LY86: variants seen among roughly 807,000 people sequenced by gnomAD.
LY86 encodes the protein lymphocyte antigen 86, also known as MD-1, RP105-associated.
A neutral mutation model predicts 17.3 loss-of-function variants in LY86; 20 were observed. That is an observed-to-expected ratio of 1.15 (90% CI 0.81 to 1.68). The LOEUF (loss-of-function observed/expected upper bound fraction) is 1.68, where lower values mean the gene tolerates loss of function less well. Ranked by LOEUF, LY86 falls within the 40% of genes most tolerant of loss-of-function variation. The pLI is 0.00. For missense variants in LY86, 200 were observed against 191.9 expected (o/e 1.04, Z -0.25); for synonymous variants, 74 against 70.6 (o/e 1.05, Z -0.24).
chr6:6,603,150 C>T (rs898802115), intron 1 of LY86, among the ~76,000 whole-genome samples: 2 of 152,072 alleles, frequency 1.3e-5, no homozygotes, highest in Non-Finnish European at 2.9e-5. Context: ...AGGCACTTGT[C>T]CCATTCATGA....
intron 3 of LY86, 59 bp downstream of exon 3, chr6:6,626,480 T>A: frequency 6.3e-7 from 1 of 1,597,132 alleles, no homozygotes; most frequent in South Asian, 1.1e-5. Flanking sequence ...AACTCGAACT[T>A]GCATCTGAGG....
chr6:6,638,088 G>C (rs1761985794), intron 3 of LY86, among the ~76,000 whole-genome samples: 1 of 152,208 alleles, frequency 6.6e-6, no homozygotes, highest in Non-Finnish European at 1.5e-5. Context: ...CGCTTCCTCA[G>C]CAACGACTAA....
At chr6:6,613,271 C>T (rs955609564) in intron 1 of LY86, among the ~76,000 whole-genome samples, 1 of 152,266 alleles carries the variant, frequency 6.6e-6, no homozygotes, top group East Asian at 1.9e-4. Flanking sequence ...CCGCGCCGTG[C>T]GCCCGCACTC....
At chr6:6,627,017 C>T (rs1054153455) in intron 3 of LY86, among the ~76,000 whole-genome samples, 1 of 151,856 alleles carries the variant, frequency 6.6e-6, no homozygotes, top group Non-Finnish European at 1.5e-5. Context: ...CCTTCCCCCA[C>T]CTGTCCCCAC....
At chr6:6,618,772 AACT>A (rs1393988482) in intron 1 of LY86, among the ~76,000 whole-genome samples, 14 of 152,318 alleles carry the variant, frequency 9.2e-5, no homozygotes, top group African/African-American at 3.4e-4. Flanking sequence ...ATGGGAGTGG[AACT>A]ACTATTATTT....
intron 3 of LY86, among the ~76,000 whole-genome samples, chr6:6,640,176 A>C (rs1163354187): frequency 6.6e-6 from 1 of 152,182 alleles, no homozygotes; most frequent in Non-Finnish European, 1.5e-5. Flanking sequence ...TGCTGTGCCC[A>C]TTCTTGGCAA....
Position 6,626,432 on chromosome 6 carries a change from T to C in LY86, c.352+11T>C, listed in dbSNP as rs1761789940. 1.2e-6 allele frequency: 2 copies of C among 1,613,312 alleles called. No homozygotes were observed. Among genetic ancestry groups the C allele is most frequent in the East Asian group, 2.2e-5 (1 of 44,880 alleles). Reference sequence around the variant, plus strand: ...GAAGAAGGAAAGGAGGTAAGCCATCTGTCTTGCTCACTGCTGGCAGGGGCC... The same window carrying C: ...GAAGAAGGAAAGGAGGTAAGCCATCCGTCTTGCTCACTGCTGGCAGGGGCC... On this transcript the variant is annotated intron_variant, in intron 3 of 4. Transcript: ENST00000230568.
Position 6,626,332 on chromosome 6 carries a change from T to C in LY86, c.263T>C (p.Met88Thr). ...GAGCTTTTTCTTGACCTAGCTCTCA[T>C]GTCTCAAGGCTCATCTGTTTTGAAT... Reference protein sequence around the residue: ...IKELFLDLALMSQGSSVLNFS... With the variant: ...IKELFLDLALTSQGSSVLNFS... Residue 88 changes from methionine (M) to threonine (T), a missense_variant, in exon 3 of 5, where the codon ATG becomes ACG. Coordinates refer to ENST00000230568, the MANE Select transcript of LY86 (RefSeq NM_004271.4). The C allele has an allele frequency of 3.1e-6, 5 of 1,614,092 alleles. No homozygotes were observed. Among genetic ancestry groups the C allele is most frequent in the Non-Finnish European group, 4.2e-6 (5 of 1,179,990 alleles).
chr6:6,621,823 T>G (rs1761685737), intron 1 of LY86, among the ~76,000 whole-genome samples: 1 of 152,202 alleles, frequency 6.6e-6, no homozygotes, highest in African/African-American at 2.4e-5. Context: ...GCCCTGGCAC[T>G]GGGGAGTTAG....
intron 3 of LY86, among the ~76,000 whole-genome samples, chr6:6,631,265 C>G (rs1383233240): frequency 6.6e-6 from 1 of 152,156 alleles, no homozygotes; most frequent in Non-Finnish European, 1.5e-5. Flanking sequence ...TTCCTACATA[C>G]ACCCTCATCT....
chr6:6,598,505 C>T (rs1760788581), intron 1 of LY86, among the ~76,000 whole-genome samples: 1 of 152,224 alleles, frequency 6.6e-6, no homozygotes, highest in South Asian at 2.1e-4. Context: ...CAGGTTTTGA[C>T]TTACCAACCA....
intron 1 of LY86, among the ~76,000 whole-genome samples, chr6:6,594,340 G>T (rs1482122295): frequency 6.6e-6 from 1 of 152,108 alleles, no homozygotes; most frequent in East Asian, 1.9e-4. Context: ...GAATTCAAAA[G>T]AAGAAGAATA....
chr6:6,646,585 T>C (rs1344003067), intron 3 of LY86, among the ~76,000 whole-genome samples: 1 of 152,220 alleles, frequency 6.6e-6, no homozygotes, highest in Non-Finnish European at 1.5e-5. Flanking sequence ...CCAAGCCCTC[T>C]GCCATGTGGC....
intron 4 of LY86, 42 bp downstream of exon 4, chr6:6,649,719 T>TGAA (rs768280249): frequency 6.6e-5 from 76 of 1,157,860 alleles, no homozygotes; most frequent in Non-Finnish European, 8.3e-5. Context: ...GTTTGTTTCT[T>TGAA]GAAGAAGAAG....
At chr6:6,646,360 G>A (rs1277889310) in intron 3 of LY86, among the ~76,000 whole-genome samples, 1 of 152,120 alleles carries the variant, frequency 6.6e-6, no homozygotes, top group African/African-American at 2.4e-5. Context: ...GGATCACAGG[G>A]GAGGCAGTAA....
chr6:6,605,726 T>C (rs1761102076), intron 1 of LY86, among the ~76,000 whole-genome samples: 1 of 152,254 alleles, frequency 6.6e-6, no homozygotes, highest in Non-Finnish European at 1.5e-5. Context: ...CGGTGAGTGT[T>C]ACAGTTCTTA....
chr6:6,649,976 G>A (rs111487677), intron 4 of LY86, among the ~76,000 whole-genome samples: 37 of 152,304 alleles, frequency 2.4e-4, no homozygotes, highest in African/African-American at 5.3e-4. Flanking sequence ...GGATGCCGGC[G>A]TCTTGTCCAG....
At position 6,630,753 on chromosome 6, in the gene LY86, T is replaced by C. The variant is rs192689007; in HGVS notation, c.352+4332T>C. On this transcript the variant is annotated intron_variant, in intron 3 of 4. Transcript: ENST00000230568. ...ATCTTGGTCGCACATTAACTGCTCCTGTGCTTTCTGAAGCAATGACCACAA... is the reference window on the plus strand; with the variant it reads ...ATCTTGGTCGCACATTAACTGCTCCCGTGCTTTCTGAAGCAATGACCACAA... Among the ~76,000 whole-genome samples the C allele has an allele frequency of 9.5e-4, 144 of 152,298 alleles. 2 individuals are homozygous for C. Among genetic ancestry groups the C allele is most frequent in the African/African-American group, 3.2e-3 (134 of 41,566 alleles).
intron 3 of LY86, among the ~76,000 whole-genome samples, chr6:6,643,193 G>A (rs1581252059): frequency 6.6e-6 from 1 of 152,324 alleles, no homozygotes; most frequent in African/African-American, 2.4e-5. Flanking sequence ...GTTTTCCACA[G>A]TGTCTGTACT....
Sources: allele counts gnomAD v4.1 joint callset (sites outside exome capture counted in the v4.1 genomes callset), GRCh38; gene constraint gnomAD v4.1.1; transcripts MANE v1.5; gene names NCBI Gene and HGNC (gene_info 2026-07-23, HGNC 2026-07-21).